Variants in FGF14 observed in about 807,000 individuals in gnomAD.
FGF14 encodes fibroblast growth factor 14.
A neutral mutation model predicts 25.5 loss-of-function variants in FGF14; 5 were observed. The ratio of observed to expected loss-of-function variants is 0.20; its 90% CI spans 0.10 to 0.41. FGF14 has a LOEUF of 0.41. Ranked by LOEUF, FGF14 falls within the 10% of genes least tolerant of loss-of-function variation. The pLI is 1.00. For synonymous variants in FGF14, 138 were observed against 118.3 expected (o/e 1.17, Z -1.08); for missense variants, 222 against 320.1 (o/e 0.69, Z 2.34).
At chr13:101,736,212 G>A (rs1326519970) in intron 3 of FGF14, among the ~76,000 whole-genome samples, 1 of 151,998 alleles carries the variant, frequency 6.6e-6, no homozygotes, top group Non-Finnish European at 1.5e-5. Context: ...TGTTATGTGT[G>A]TATACATAAG....
intron 1 of FGF14, among the ~76,000 whole-genome samples, chr13:102,137,387 C>A (rs560195510): frequency 6.6e-6 from 1 of 152,132 alleles, no homozygotes; most frequent in Admixed American, 6.5e-5. Context: ...AAAAGTATCT[C>A]GAAACTACAC....
intron 1 of FGF14, among the ~76,000 whole-genome samples, chr13:102,094,930 T>C (rs1234137066): frequency 2.0e-5 from 3 of 152,112 alleles, no homozygotes; most frequent in Non-Finnish European, 4.4e-5. Flanking sequence ...AGCCTTTAAG[T>C]CAGGGGGTCC....
At chr13:101,907,699 G>C (rs548540403) in intron 1 of FGF14, among the ~76,000 whole-genome samples, 8 of 152,254 alleles carry the variant, frequency 5.3e-5, no homozygotes, top group East Asian at 1.9e-4. Flanking sequence ...GCATAACCAA[G>C]AGGGGATTCT....
At chr13:101,875,094 C>A in intron 2 of FGF14, 92 bp downstream of exon 2, 1 of 877,428 alleles carries the variant, frequency 1.1e-6, no homozygotes, top group Non-Finnish European at 1.9e-6. Flanking sequence ...ACCAACACGA[C>A]CAAACATTTG....
At chr13:102,314,986 CAT>C (rs767114771) in intron 1 of FGF14, among the ~76,000 whole-genome samples, 5 of 149,022 alleles carry the variant, frequency 3.4e-5, no homozygotes, top group Admixed American at 6.7e-5. Flanking sequence ...TTATAAATAA[CAT>C]ATTAATGTAT....
At chr13:102,086,107 C>T (rs930431998) in intron 1 of FGF14, among the ~76,000 whole-genome samples, 2 of 152,202 alleles carry the variant, frequency 1.3e-5, no homozygotes, top group Admixed American at 6.5e-5. Context: ...GCAAGTTATG[C>T]TAAATGACAA....
chr13:101,845,254 A>T (rs1219653571), intron 3 of FGF14, among the ~76,000 whole-genome samples: 1 of 152,088 alleles, frequency 6.6e-6, no homozygotes, highest in African/African-American at 2.4e-5. Flanking sequence ...TGCATGTCGA[A>T]GCATTTCTAA....
chr13:102,122,674 T>C (rs1189257774), intron 1 of FGF14, among the ~76,000 whole-genome samples: 1 of 152,212 alleles, frequency 6.6e-6, no homozygotes, highest in African/African-American at 2.4e-5. Flanking sequence ...ATGCCCTACA[T>C]GGCATTTTCT....
intron 1 of FGF14, among the ~76,000 whole-genome samples, chr13:101,896,577 G>A (rs530487850): frequency 2.0e-5 from 3 of 152,280 alleles, no homozygotes; most frequent in African/African-American, 4.8e-5. Flanking sequence ...TTTTAACAGC[G>A]GGGAATCTGA....
At position 102,267,169 on chromosome 13, in the gene FGF14, T is replaced by C. The variant is rs183406176; in HGVS notation, c.208+134302A>G. On this transcript the variant is annotated intron_variant, in intron 1 of 4. Transcript: ENST00000376131. ...ATTTTATTTTATTATTATTATACTT[T>C]AAGTTATTCACAACTATTGGGTTAG... 1.3e-4 allele frequency among the ~76,000 whole-genome samples: 20 copies of C among 152,296 alleles called. 1 individual carries two copies. The highest frequency in any genetic ancestry group is 4.1e-4 in the South Asian group (2 of 4,832).
At chr13:101,987,564 T>C (rs1439762292) in intron 1 of FGF14, among the ~76,000 whole-genome samples, 6 of 152,126 alleles carry the variant, frequency 3.9e-5, no homozygotes, top group Non-Finnish European at 1.5e-5. Flanking sequence ...TTTTATCACA[T>C]AATTTATATA....
intron 1 of FGF14, among the ~76,000 whole-genome samples, chr13:102,328,734 C>T (rs2056541373): frequency 6.6e-6 from 1 of 152,216 alleles, no homozygotes; most frequent in African/African-American, 2.4e-5. Context: ...AATTAAGATA[C>T]ATTATACATG....
intron 3 of FGF14, among the ~76,000 whole-genome samples, chr13:101,746,540 AG>A (rs1370703161): frequency 6.6e-6 from 1 of 151,998 alleles, no homozygotes; most frequent in African/African-American, 2.4e-5. Context: ...TAGAGAGTGC[AG>A]TTAAGAATTG....
intron 1 of FGF14, among the ~76,000 whole-genome samples, chr13:102,106,603 GGAGA>G (rs982822314): frequency 1.7e-5 from 2 of 118,450 alleles, no homozygotes; most frequent in African/African-American, 3.2e-5. Context: ...AGGGAGGGAG[GGAGA>G]GAGAAAAAGA....
chr13:102,308,916 C>CAAAAAAAA (rs71125061), intron 1 of FGF14, among the ~76,000 whole-genome samples: 8 of 62,000 alleles, frequency 1.3e-4, no homozygotes, highest in African/African-American at 5.9e-4. Context: ...GTTTCTTATA[C>CAAAAAAAA]AAAAAAAAAA....
chr13:102,293,143 C>T (rs962194761), intron 1 of FGF14: 1 of 151,934 alleles, frequency 6.6e-6, no homozygotes, highest in African/African-American at 2.4e-5. Flanking sequence ...AACTACCAGG[C>T]TCCGTGTTTC....
At chr13:102,317,570 T>C (rs971724174) in intron 1 of FGF14, among the ~76,000 whole-genome samples, 14 of 152,238 alleles carry the variant, frequency 9.2e-5, no homozygotes, top group African/African-American at 3.4e-4. Flanking sequence ...TGAGACATTC[T>C]GGTTTTTAAA....
intron 1 of FGF14, among the ~76,000 whole-genome samples, chr13:102,221,381 T>G (rs1161883155): frequency 1.3e-5 from 2 of 152,104 alleles, no homozygotes; most frequent in African/African-American, 4.8e-5. Context: ...TTAAGAAAAC[T>G]GAGTGAAAGA....
At chr13:102,082,392 T>C (rs187421645) in intron 1 of FGF14, among the ~76,000 whole-genome samples, 2 of 152,322 alleles carry the variant, frequency 1.3e-5, no homozygotes, top group African/African-American at 4.8e-5. Flanking sequence ...AATATAGAAC[T>C]GGCATTCTCC....
Sources: allele counts gnomAD v4.1 joint callset (sites outside exome capture counted in the v4.1 genomes callset), GRCh38; gene constraint gnomAD v4.1.1; transcripts MANE v1.5; gene names NCBI Gene and HGNC (gene_info 2026-07-23, HGNC 2026-07-21).